The following SLC7A9 variants were observed in gnomAD, a reference collection of about 807,000 sequenced individuals.
SLC7A9 encodes the protein solute carrier family 7 member 9.
In SLC7A9, 38 loss-of-function variants were observed where a neutral mutation model predicts 54.1. The ratio of observed to expected loss-of-function variants is 0.70; its 90% CI spans 0.54 to 0.92. The LOEUF is 0.92. Ranked by LOEUF, SLC7A9 falls within the 40% of genes least tolerant of loss-of-function variation. The pLI is 0.00. For synonymous variants in SLC7A9, 264 were observed against 258.9 expected (o/e 1.02, Z -0.19); for missense variants, 537 against 636.1 (o/e 0.84, Z 1.68).
At chr19:32,866,700 G>A (rs1968981000) in intron 2 of SLC7A9, among the ~76,000 whole-genome samples, 1 of 152,222 alleles carries the variant, frequency 6.6e-6, no homozygotes, top group Non-Finnish European at 1.5e-5. Flanking sequence ...CTGGCAGAGA[G>A]GGAAAGTGCT....
At chr19:32,859,220 TCTAAGTAG>T (rs1490613777) in intron 8 of SLC7A9, among the ~76,000 whole-genome samples, 1 of 152,008 alleles carries the variant, frequency 6.6e-6, no homozygotes. Context: ...GCCTCAGTCT[TCTAAGTAG>T]CTGAGACCAC....
chr19:32,847,075 A>T (rs534473452), intron 9 of SLC7A9, among the ~76,000 whole-genome samples: 4 of 152,214 alleles, frequency 2.6e-5, no homozygotes, highest in Non-Finnish European at 4.4e-5. Context: ...ATAAACCACA[A>T]AGATGGGGAA....
In SLC7A9 at chr19:32,862,577, G is replaced by A. The variant is rs748402420; in HGVS notation, c.488C>T (p.Ser163Leu). ...CCGCACGCTCAGTGAGTTCACTGTC[G>A]AGATGAACACTGGAAGGGTGGGGAC... ...CLAAAAILFI[S>L]TVNSLSVRLG... Residue 163 changes from serine to leucine, a missense_variant, in exon 5 of 13, where the codon TCG (serine) becomes TTG (leucine). Coordinates refer to ENST00000023064, the MANE Select transcript of SLC7A9 (RefSeq NM_014270.5). 14 of 1,613,854 alleles carry A rather than the reference G, an allele frequency of 8.7e-6. No homozygotes were observed. Among genetic ancestry groups the A allele is most frequent in the African/African-American group, 1.3e-5 (1 of 74,926 alleles).
chr19:32,854,115 C>T lies in SLC7A9; in HGVS notation c.977+4325G>A, dbSNP rs1350672407. ...GCAGCCTCGACCTCCTGGGCTCACA[C>T]GATCCTCCCACCTCAGTCTCCTGAG... On this transcript the variant is annotated intron_variant, in intron 9 of 12. Transcript: ENST00000023064. 3.3e-5 allele frequency among the ~76,000 whole-genome samples: 5 copies of T among 151,624 alleles called. No homozygotes were observed. The East Asian group carries it at 5.8e-4, about 18-fold the overall frequency.
At chr19:32,855,527 A>G (rs113178246) in intron 9 of SLC7A9, among the ~76,000 whole-genome samples, 11,270 of 151,996 alleles carry the variant, frequency 0.074, 527 homozygotes, top group South Asian at 0.16. Flanking sequence ...GTGAAACCCC[A>G]TCTCTACTAA....
intron 2 of SLC7A9, among the ~76,000 whole-genome samples, chr19:32,865,801 T>C (rs1437872086): frequency 1.3e-5 from 2 of 151,808 alleles, no homozygotes; most frequent in African/African-American, 4.8e-5. Context: ...AGAAACCCCG[T>C]TTCTACTAAA....
At chr19:32,835,460 A>G (rs1967929653) in intron 11 of SLC7A9, among the ~76,000 whole-genome samples, 1 of 152,220 alleles carries the variant, frequency 6.6e-6, no homozygotes, top group South Asian at 2.1e-4. Flanking sequence ...ATTTTGTACA[A>G]CTCTATACAG....
At chr19:32,847,972 A>G (rs1256775683) in intron 9 of SLC7A9, among the ~76,000 whole-genome samples, 1 of 152,122 alleles carries the variant, frequency 6.6e-6, no homozygotes, top group African/African-American at 2.4e-5. Context: ...AATACTTTAC[A>G]GACAAGCAAA....
At position 32,858,427 on chromosome 19, in the gene SLC7A9, G is replaced by A. The variant is rs768196755; in HGVS notation, c.977+13C>T. The A allele has an allele frequency of 6.3e-7, 1 of 1,584,954 alleles. No homozygotes were observed. The highest frequency in any genetic ancestry group is 8.7e-7 in the Non-Finnish European group (1 of 1,155,134). On this transcript the variant is annotated intron_variant, in intron 9 of 12. Coordinates refer to ENST00000023064, the MANE Select transcript of SLC7A9 (RefSeq NM_014270.5). ...CCCTGTCCACCCTGGGAGTGACGGT[G>A]GGGGTCCCCTACCTGCCCGCTGTGA...
intron 12 of SLC7A9, 129 bp downstream of exon 12, chr19:32,833,017 GTCC>G (rs368546965): frequency 7.6e-5 from 69 of 902,792 alleles, no homozygotes; most frequent in South Asian, 4.9e-4. Context: ...GTGGGCATGT[GTCC>G]TCCTGGGACG....
chr19:32,851,669 G>A (rs1345585999), intron 9 of SLC7A9, among the ~76,000 whole-genome samples: 1 of 152,044 alleles, frequency 6.6e-6, no homozygotes, highest in Non-Finnish European at 1.5e-5. Flanking sequence ...TCGCATTACT[G>A]GGTATATACC....
chr19:32,863,273 C>A (rs1254916895), intron 4 of SLC7A9, among the ~76,000 whole-genome samples: 1 of 151,258 alleles, frequency 6.6e-6, no homozygotes, highest in Admixed American at 6.6e-5. Context: ...TACCCCACCA[C>A]CCCCCTCCCC....
intron 8 of SLC7A9, among the ~76,000 whole-genome samples, chr19:32,859,154 T>C (rs2868194): frequency 0.63 from 95,840 of 151,704 alleles, 30,623 homozygotes; most frequent in East Asian, 0.85. Context: ...GGCTGGAGTG[T>C]AGTGGCGTGA....
chr19:32,843,807 G>A (rs780207975), intron 10 of SLC7A9, 48 bp downstream of exon 10: 2 of 1,426,310 alleles, frequency 1.4e-6, no homozygotes, highest in South Asian at 2.3e-5. Context: ...CCCCATGGAT[G>A]GAGTGTCCCC....
At chr19:32,831,488 A>G in intron 12 of SLC7A9, among the ~76,000 whole-genome samples, 1 of 151,526 alleles carries the variant, frequency 6.6e-6, no homozygotes, top group East Asian at 2.0e-4. Context: ...ACGGGGTTTC[A>G]CCGTGTTAGC....
intron 1 of SLC7A9, 98 bp from the exon 2 acceptor site, chr19:32,868,743 C>T: frequency 1.6e-6 from 1 of 630,936 alleles, no homozygotes; most frequent in Non-Finnish European, 2.9e-6. Context: ...CAGTCATTAA[C>T]ATTGTCCAGG....
intron 9 of SLC7A9, among the ~76,000 whole-genome samples, chr19:32,845,213 A>G (rs1384214829): frequency 6.6e-6 from 1 of 152,092 alleles, no homozygotes; most frequent in Non-Finnish European, 1.5e-5. Context: ...CAGGAGCCTG[A>G]GCTGGGCATG....
chr19:32,845,257 G>A (rs1442617748), intron 9 of SLC7A9, among the ~76,000 whole-genome samples: 1 of 152,202 alleles, frequency 6.6e-6, no homozygotes, highest in Non-Finnish European at 1.5e-5. Context: ...CACTTTGGGA[G>A]GCCGAGACAG....
chr19:32,832,402 C>G (rs1484115404), intron 12 of SLC7A9, among the ~76,000 whole-genome samples: 1 of 151,858 alleles, frequency 6.6e-6, no homozygotes, highest in Non-Finnish European at 1.5e-5. Context: ...GCCTGGCCAA[C>G]ATGGTAAAAC....
Sources: allele counts gnomAD v4.1 joint callset (sites outside exome capture counted in the v4.1 genomes callset), GRCh38; gene constraint gnomAD v4.1.1; transcripts MANE v1.5; gene names NCBI Gene and HGNC (gene_info 2026-07-23, HGNC 2026-07-21).